MAP7: variants seen among roughly 807,000 people sequenced by gnomAD.
MAP7 encodes the protein ensconsin.
Under a neutral mutation model 94.8 loss-of-function variants are expected in MAP7, and 52 were observed. The ratio of observed to expected loss-of-function variants is 0.55; its 90% confidence interval spans 0.44 to 0.69. MAP7 has a LOEUF of 0.69. Among genes scored for constraint, MAP7 ranks in the 30% least tolerant of loss-of-function variants. MAP7 has a pLI of 0.00. For missense variants in MAP7, 940 were observed against 964.6 expected, an observed-to-expected ratio of 0.97 and a Z score of 0.34; for synonymous variants, 350 against 357.0, an observed-to-expected ratio of 0.98 and a Z score of 0.22.
rs1202619344 is a variant in MAP7 at position 136,525,979 on chromosome 6, T to G, written c.67+24363A>C. The G allele has an allele frequency of 4.6e-5, 12 of 263,090 alleles. No homozygotes were observed. The East Asian group carries it at 1.8e-3, about 39-fold the overall frequency. The allele number at this position is 263,090 out of a possible 1,614,324, so 16.3% of individuals were successfully genotyped here. On this transcript the variant is annotated intron_variant, in intron 1 of 17. Transcript: ENST00000354570. ...GATCCAGGCATACCGCTGCTACTTGTTTTTTTTTTTTTTAATTGTGATTAT... is the reference window on the plus strand; with the variant it reads ...GATCCAGGCATACCGCTGCTACTTGGTTTTTTTTTTTTTAATTGTGATTAT...
At chr6:136,353,495 C>T (rs982794911) in intron 16 of MAP7, among the ~76,000 whole-genome samples, 2 of 152,146 alleles carry the variant, frequency 1.3e-5, no homozygotes, top group African/African-American at 4.8e-5. Flanking sequence ...ATGTATATTA[C>T]CCACTTAATT....
chr6:136,497,797 CAAAAAAA>C (rs1199112585), intron 1 of MAP7, among the ~76,000 whole-genome samples: 20 of 46,568 alleles, frequency 4.3e-4, no homozygotes, highest in Middle Eastern at 0.012. Context: ...GACTCTGTCA[CAAAAAAA>C]AAAAAAAAAA....
intron 1 of MAP7, among the ~76,000 whole-genome samples, chr6:136,430,398 TA>T (rs1371106617): frequency 1.3e-5 from 2 of 152,252 alleles, no homozygotes; most frequent in Non-Finnish European, 2.9e-5. Context: ...AAATGTACAA[TA>T]CTTAAAAATA....
chr6:136,352,527 C>T (rs969560583), intron 16 of MAP7, among the ~76,000 whole-genome samples: 3 of 152,088 alleles, frequency 2.0e-5, no homozygotes, highest in Non-Finnish European at 4.4e-5. Flanking sequence ...CCTTTTTTCC[C>T]TATCATTCCC....
intron 1 of MAP7, among the ~76,000 whole-genome samples, chr6:136,428,645 G>T (rs1177624183): frequency 6.6e-6 from 1 of 152,160 alleles, no homozygotes; most frequent in African/African-American, 2.4e-5. Context: ...ATCAAAATAG[G>T]TTACCAAAAT....
At chr6:136,402,982 A>G (rs182835770) in intron 3 of MAP7, among the ~76,000 whole-genome samples, 1 of 151,034 alleles carries the variant, frequency 6.6e-6, no homozygotes, top group East Asian at 1.9e-4. Flanking sequence ...TCTCAGGGCT[A>G]GGCCTAAAGG....
At chr6:136,511,723 A>C (rs928345084) in intron 1 of MAP7, among the ~76,000 whole-genome samples, 31 of 152,214 alleles carry the variant, frequency 2.0e-4, no homozygotes, top group African/African-American at 7.0e-4. Flanking sequence ...GCTCAGTGGG[A>C]GTTTAAATCA....
At chr6:136,377,275 A>G (rs1776450097) in intron 7 of MAP7, among the ~76,000 whole-genome samples, 2 of 152,242 alleles carry the variant, frequency 1.3e-5, no homozygotes, top group South Asian at 2.1e-4. Context: ...GGAAGGGTAC[A>G]ATTCCTAGAT....
intron 1 of MAP7, among the ~76,000 whole-genome samples, chr6:136,440,313 T>C (rs575270611): frequency 6.6e-6 from 1 of 152,184 alleles, no homozygotes; most frequent in East Asian, 1.9e-4. Context: ...ATGTAGTAAG[T>C]ACTGTGATAG....
chr6:136,477,062 T>G (rs1317358052), intron 1 of MAP7, among the ~76,000 whole-genome samples: 1 of 152,226 alleles, frequency 6.6e-6, no homozygotes, highest in East Asian at 1.9e-4. Context: ...TTACATGGTT[T>G]CAAAATAATT....
At chr6:136,471,696 A>C (rs1345142782) in intron 1 of MAP7, among the ~76,000 whole-genome samples, 1 of 152,176 alleles carries the variant, frequency 6.6e-6, no homozygotes, top group African/African-American at 2.4e-5. Flanking sequence ...CTGCATTTAC[A>C]TTACCCTGGA....
At chr6:136,394,970 A>ATATATATATATATC (rs1582782641) in intron 3 of MAP7, among the ~76,000 whole-genome samples, 1 of 131,234 alleles carries the variant, frequency 7.6e-6, no homozygotes, top group Non-Finnish European at 1.6e-5. Flanking sequence ...ATATATATAT[A>ATATATATATATATC]TCACATTTTC....
chr6:136,419,515 A>G (rs1416672873), intron 2 of MAP7, among the ~76,000 whole-genome samples: 2 of 152,194 alleles, frequency 1.3e-5, no homozygotes, highest in Non-Finnish European at 1.5e-5. Flanking sequence ...CCAAAGCATG[A>G]CCATTCATGC....
intron 2 of MAP7, among the ~76,000 whole-genome samples, chr6:136,417,821 C>T (rs1790000301): frequency 6.6e-6 from 1 of 152,136 alleles, no homozygotes; most frequent in Non-Finnish European, 1.5e-5. Context: ...GTCACACACT[C>T]CTCTATGAGG....
chr6:136,428,486 C>T (rs1793919571), intron 1 of MAP7, among the ~76,000 whole-genome samples: 1 of 152,066 alleles, frequency 6.6e-6, no homozygotes, highest in Non-Finnish European at 1.5e-5. Context: ...CGCCACTGCA[C>T]TCCACCCTGG....
chr6:136,494,964 G>T (rs917934843), intron 1 of MAP7, among the ~76,000 whole-genome samples: 1 of 152,112 alleles, frequency 6.6e-6, no homozygotes, highest in Non-Finnish European at 1.5e-5. Flanking sequence ...ATGAGAGACA[G>T]CGTGACACCT....
At position 136,377,856 on chromosome 6, in the gene MAP7, T is replaced by G; in HGVS notation, c.650A>C (p.Gln217Pro). Residue 217 changes from glutamine (Q) to proline (P), a missense_variant, in exon 7 of 18, where the codon CAG (glutamine) becomes CCG (proline). By Grantham distance (76) the Gln-to-Pro change is moderately conservative. Coordinates refer to ENST00000354570, the MANE Select transcript of MAP7 (RefSeq NM_003980.6). ...LNSPDRARRL[Q>P]LSPWESSVVN... ...AACGCTGCTCTCCCATGGGCTGAGC[T>G]GCAGGCGGCGAGCTAAACGTCACCA... 6.2e-7 allele frequency: 1 copy of G among 1,613,196 alleles called. No individual in the cohort carries two copies. Among genetic ancestry groups the G allele is most frequent in the Non-Finnish European group, 8.5e-7 (1 of 1,179,252 alleles).
intron 16 of MAP7, among the ~76,000 whole-genome samples, chr6:136,350,768 A>G (rs1582633506): frequency 6.6e-6 from 1 of 152,066 alleles, no homozygotes; most frequent in South Asian, 2.1e-4. Flanking sequence ...CTGGGGTGGG[A>G]GGATCATTTG....
At chr6:136,416,679 G>A (rs1203172694) in intron 2 of MAP7, among the ~76,000 whole-genome samples, 6 of 152,086 alleles carry the variant, frequency 3.9e-5, no homozygotes, top group Non-Finnish European at 8.8e-5. Flanking sequence ...AGTGGTGCAC[G>A]CCTGTTATCC....
Sources: allele counts gnomAD v4.1 joint callset (sites outside exome capture counted in the v4.1 genomes callset), GRCh38; gene constraint gnomAD v4.1.1; transcripts MANE v1.5; gene names NCBI Gene and HGNC (gene_info 2026-07-23, HGNC 2026-07-21).